OR52I2: variants seen among roughly 807,000 people sequenced by gnomAD.
OR52I2 encodes the protein olfactory receptor family 52 subfamily I member 2, also known as olfactory receptor 52I2.
For synonymous variants in OR52I2, 147 were observed against 151.9 expected (o/e 0.97, Z 0.24); for missense variants, 350 against 402.4 (o/e 0.87, Z 1.11).
chr11:4,588,904 A>G (rs1273441066), exon 2 of OR52I2: 1 of 152,236 alleles, frequency 6.6e-6, no homozygotes, highest in Non-Finnish European at 1.5e-5. Context: ...GAGGTTTTGA[A>G]AACTGACTGA....
intron 1 of OR52I2, among the ~76,000 whole-genome samples, chr11:4,582,439 T>TTCA (rs1320624156): frequency 1.5e-5 from 1 of 65,138 alleles, no homozygotes; most frequent in Admixed American, 1.5e-4. Flanking sequence ...TTTTCATTTT[T>TTCA]TTTTTTTTTT....
chr11:4,586,123 C>A (rs1474355536), intron 1 of OR52I2, among the ~76,000 whole-genome samples: 1 of 152,120 alleles, frequency 6.6e-6, no homozygotes, highest in East Asian at 1.9e-4. Context: ...ATAGGATATT[C>A]AGGGCAAAGT....
chr11:4,583,180 G>C (rs1191007666), intron 1 of OR52I2, among the ~76,000 whole-genome samples: 1 of 151,940 alleles, frequency 6.6e-6, no homozygotes, highest in Non-Finnish European at 1.5e-5. Flanking sequence ...AAAAGAAACA[G>C]CCAACAAAAT....
exon 2 of OR52I2, chr11:4,590,350 C>T (rs1846341713): frequency 6.6e-6 from 1 of 152,162 alleles, no homozygotes; most frequent in Non-Finnish European, 1.5e-5. Context: ...CAACGTTAAT[C>T]TTAGCCAAAC....
chr11:4,590,225 T>G lies in OR52I2; in HGVS notation c.*2360T>G, dbSNP rs576478634. 12 of 152,314 alleles carry G rather than the reference T, an allele frequency of 7.9e-5. No homozygotes were observed. In the South Asian group the frequency reaches 2.5e-3, roughly 32 times the overall value. 9.4% of individuals were successfully genotyped at this position (152,314 alleles called of 1,614,324 possible). On this transcript the variant is annotated 3_prime_UTR_variant, in exon 2 of 2. Coordinates refer to ENST00000641896, the Ensembl canonical transcript of OR52I2. ...CATTTCCCATTATATTCATAGTGTT[T>G]TAAAAAGTTAATGAAAAATCAGGGA...
exon 2 of OR52I2, chr11:4,587,188 G>A (rs772187053): frequency 1.2e-6 from 2 of 1,614,182 alleles, no homozygotes; most frequent in South Asian, 2.2e-5. Flanking sequence ...CAGCTTTAGT[G>A]CTTGTTTCAC....
intron 1 of OR52I2, among the ~76,000 whole-genome samples, chr11:4,584,736 A>G (rs574340775): frequency 1.7e-4 from 26 of 152,292 alleles, no homozygotes; most frequent in African/African-American, 5.3e-4. Context: ...GCTCCTCATC[A>G]TAGTCCAATT....
At chr11:4,588,632 G>A (rs901320967) in exon 2 of OR52I2, 4 of 152,044 alleles carry the variant, frequency 2.6e-5, no homozygotes, top group Non-Finnish European at 2.9e-5. Context: ...TCCCTTCTCC[G>A]TTCAACAGGA....
chr11:4,584,444 T>C (rs1846283568), intron 1 of OR52I2, among the ~76,000 whole-genome samples: 1 of 152,210 alleles, frequency 6.6e-6, no homozygotes, highest in African/African-American at 2.4e-5. Flanking sequence ...AGCAAAATGA[T>C]CTAATGGCAA....
intron 1 of OR52I2, among the ~76,000 whole-genome samples, chr11:4,582,161 T>C (rs1846262297): frequency 1.3e-5 from 2 of 152,076 alleles, no homozygotes; most frequent in Non-Finnish European, 2.9e-5. Context: ...CAAGAGAAGT[T>C]ATAAGAAAAT....
chr11:4,585,360 C>A (rs1846291872), intron 1 of OR52I2, among the ~76,000 whole-genome samples: 1 of 152,196 alleles, frequency 6.6e-6, no homozygotes. Context: ...AGAGGCAGCG[C>A]CCCTTGCAAG....
exon 2 of OR52I2, chr11:4,589,538 G>C (rs1302321678): frequency 6.6e-6 from 1 of 152,110 alleles, no homozygotes; most frequent in Non-Finnish European, 1.5e-5. Context: ...TCCTATACAG[G>C]GCTGTCTAGG....
chr11:4,590,880 T>C (rs1334441817), exon 2 of OR52I2: 1 of 152,248 alleles, frequency 6.6e-6, no homozygotes, highest in Non-Finnish European at 1.5e-5. Context: ...AATCTGATTA[T>C]GATGTGGATA....
intron 1 of OR52I2, among the ~76,000 whole-genome samples, chr11:4,583,116 G>T (rs1008375566): frequency 6.6e-6 from 1 of 152,124 alleles, no homozygotes; most frequent in Non-Finnish European, 1.5e-5. Flanking sequence ...GATGACATTT[G>T]ATCTTAGCCA....
chr11:4,589,375 G>A (rs1448633098), exon 2 of OR52I2: 1 of 152,228 alleles, frequency 6.6e-6, no homozygotes, highest in Non-Finnish European at 1.5e-5. Context: ...TCTTTTGCGT[G>A]AAAGAAATGT....
At chr11:4,587,738 A>G in exon 2 of OR52I2, 1 of 1,614,126 alleles carries the variant, frequency 6.2e-7, no homozygotes, top group East Asian at 2.2e-5. Flanking sequence ...CTGCTAGCTG[A>G]CCTGTACGTG....
At chr11:4,589,456 G>C (rs1564860887) in exon 2 of OR52I2, 1 of 152,258 alleles carries the variant, frequency 6.6e-6, no homozygotes, top group Non-Finnish European at 1.5e-5. Flanking sequence ...TAACTGACTT[G>C]GGCATTAGTG....
intron 1 of OR52I2, among the ~76,000 whole-genome samples, chr11:4,585,646 T>C (rs1323758415): frequency 1.3e-5 from 2 of 152,198 alleles, no homozygotes; most frequent in South Asian, 2.1e-4. Flanking sequence ...GCAGTAGCTA[T>C]CTTTGTCTCA....
At chr11:4,584,259 C>T (rs542715391) in intron 1 of OR52I2, among the ~76,000 whole-genome samples, 1 of 152,182 alleles carries the variant, frequency 6.6e-6, no homozygotes, top group Non-Finnish European at 1.5e-5. Context: ...ACTACTGTTA[C>T]GTCAACACAA....
Sources: allele counts gnomAD v4.1 joint callset (sites outside exome capture counted in the v4.1 genomes callset), GRCh38; gene constraint gnomAD v4.1.1; transcripts MANE v1.5; gene names NCBI Gene and HGNC (gene_info 2026-07-23, HGNC 2026-07-21).